ZMYM6: variants seen among roughly 807,000 people sequenced by gnomAD.
The protein encoded by ZMYM6 is zinc finger MYM-type protein 6.
ZMYM6 carries 90 observed loss-of-function variants against 134.0 expected under a neutral mutation model. The ratio of observed to expected loss-of-function variants is 0.67; its 90% CI spans 0.57 to 0.80. The LOEUF is 0.80. ZMYM6 is among the 30% of genes least tolerant of loss of function. The pLI is 0.00. For synonymous variants in ZMYM6, 481 were observed against 524.1 expected, an observed-to-expected ratio of 0.92 and a Z score of 1.12; for missense variants, 1,362 against 1,533.9, an observed-to-expected ratio of 0.89 and a Z score of 1.87.
intron 4 of ZMYM6, chr1:35,018,123 T>C (rs372676184): frequency 1.3e-5 from 2 of 152,202 alleles, no homozygotes; most frequent in East Asian, 1.9e-4. Context: ...GGCAGGCTAA[T>C]TGCTTGAGCC....
chr1:35,025,383 C>A (rs1187986437), intron 2 of ZMYM6, among the ~76,000 whole-genome samples: 9 of 143,496 alleles, frequency 6.3e-5, no homozygotes. Context: ...AGGAGAACTG[C>A]GTGAACCCAG....
chr1:35,006,884 A>G, intron 12 of ZMYM6, 67 bp downstream of exon 12: 1 of 1,321,150 alleles, frequency 7.6e-7, no homozygotes, highest in Non-Finnish European at 9.8e-7. Flanking sequence ...TATATTATTT[A>G]TAACTGTATA....
intron 14 of ZMYM6, among the ~76,000 whole-genome samples, chr1:35,000,246 CT>C (rs36012246): frequency 0.24 from 35,536 of 147,864 alleles, 10,302 homozygotes; most frequent in African/African-American, 0.69. Context: ...TTTTTTTTTT[CT>C]TTTTTTTTGT....
intron 2 of ZMYM6, among the ~76,000 whole-genome samples, chr1:35,021,404 C>T (rs1641307683): frequency 6.6e-6 from 1 of 151,954 alleles, no homozygotes; most frequent in South Asian, 2.1e-4. Flanking sequence ...TTTGGCCTCC[C>T]AAAGTGCTGG....
At chr1:34,997,621 A>G (rs1640806524) in intron 14 of ZMYM6, among the ~76,000 whole-genome samples, 1 of 152,176 alleles carries the variant, frequency 6.6e-6, no homozygotes, top group Non-Finnish European at 1.5e-5. Flanking sequence ...AGCTCTTTAC[A>G]TATTAAAAAA....
chr1:35,028,512 T>G (rs1367062025), intron 2 of ZMYM6, among the ~76,000 whole-genome samples: 3 of 151,878 alleles, frequency 2.0e-5, no homozygotes, highest in Non-Finnish European at 1.5e-5. Context: ...TATTTTATTT[T>G]TTTTTGAGAC....
chr1:35,014,602 A>G, intron 6 of ZMYM6, 95 bp downstream of exon 6: 2 of 1,202,048 alleles, frequency 1.7e-6, no homozygotes, highest in South Asian at 1.5e-5. Flanking sequence ...AGGATGGACT[A>G]ATGGGAGGAG....
intron 12 of ZMYM6, among the ~76,000 whole-genome samples, chr1:35,006,654 T>C (rs1640972064): frequency 6.6e-6 from 1 of 152,198 alleles, no homozygotes; most frequent in Non-Finnish European, 1.5e-5. Flanking sequence ...ATATCCCTAG[T>C]TTAAGTTATT....
chr1:34,995,221 CTA>C (rs1640762791), intron 14 of ZMYM6, among the ~76,000 whole-genome samples: 1 of 147,236 alleles, frequency 6.8e-6, no homozygotes, highest in South Asian at 2.1e-4. Context: ...TGCTCTCTCT[CTA>C]TATATATACA....
chr1:35,028,981 A>AACAT (rs1641467656), intron 2 of ZMYM6, among the ~76,000 whole-genome samples: 1 of 151,780 alleles, frequency 6.6e-6, no homozygotes, highest in Non-Finnish European at 1.5e-5. Flanking sequence ...ACCTGAGGTC[A>AACAT]GGAGTTTGAA....
intron 13 of ZMYM6, 70 bp downstream of exon 13, chr1:35,005,060 AAG>A: frequency 6.4e-7 from 1 of 1,569,066 alleles, no homozygotes; most frequent in Non-Finnish European, 8.7e-7. Context: ...CTGTCTCAAA[AAG>A]AGAGAACTAC....
rs200792300 is a variant in ZMYM6 at position 35,007,592 on chromosome 1, GA to G, written c.1666-495del. 6.6e-3 allele frequency among the ~76,000 whole-genome samples: 899 copies of G among 136,806 alleles called. 6 individuals are homozygous for G. The highest frequency in any genetic ancestry group is 9.2e-3 in the Non-Finnish European group (575 of 62,506). The allele number at this position is 136,806 out of a possible 152,430, so 89.8% of individuals were successfully genotyped here. A position where few individuals can be genotyped will look rare whatever the true frequency, so the allele number is the denominator to read the frequency against. ...GACAGAGTAAGACTCTGTCTCAATA[GA>G]AAAAAAAAAAAATGCTCTTCTGTTT... On this transcript the variant is annotated intron_variant, in intron 11 of 15. Transcript: ENST00000357182.
chr1:35,028,404 GATACA>G (rs1173616743), intron 2 of ZMYM6, among the ~76,000 whole-genome samples: 1 of 152,250 alleles, frequency 6.6e-6, no homozygotes, highest in South Asian at 2.1e-4. Flanking sequence ...TTGCTTTGCT[GATACA>G]ATAAAGTCAA....
At position 35,007,013 on chromosome 1, in the gene ZMYM6, AG is replaced by A; in HGVS notation, c.1750del (p.Leu584TyrfsTer13). On this transcript the variant is annotated frameshift_variant, in exon 12 of 16. Transcript: ENST00000357182. LOFTEE classifies it high-confidence loss of function. Reference protein sequence around the residue: ...WRGNIKHFCNLFCVLEFCHQQ... With the variant: ...WRGNIKHFCNXFCVLEFCHQQ... ...ATGACAAAACTCCAAGACACAAAAT[AG>A]GTTACAGAAATGTTTAATGTTGCCT... The A allele has an allele frequency of 6.2e-7, 1 of 1,613,640 alleles. No individual in the cohort carries two copies. Among genetic ancestry groups the A allele is most frequent in the Non-Finnish European group, 8.5e-7 (1 of 1,179,852 alleles).
chr1:34,989,057 T>G (rs779447813), intron 15 of ZMYM6, 122 bp from the exon 16 acceptor site: 1 of 1,481,040 alleles, frequency 6.8e-7, no homozygotes, highest in Non-Finnish European at 8.9e-7. Flanking sequence ...AAGAATGCAC[T>G]GGTAAAAGTT....
At chr1:35,019,631 G>T (rs1483734660) in intron 3 of ZMYM6, 29 bp from the exon 4 acceptor site, 2 of 1,555,128 alleles carry the variant, frequency 1.3e-6, no homozygotes, top group East Asian at 2.2e-5. Flanking sequence ...AAAAGTTTTA[G>T]TATCAATACT....
chr1:35,001,105 T>C (rs1480726973), intron 14 of ZMYM6, among the ~76,000 whole-genome samples: 1 of 152,206 alleles, frequency 6.6e-6, no homozygotes, highest in South Asian at 2.1e-4. Context: ...ATATTTACTA[T>C]CTAGACTTTT....
intron 13 of ZMYM6, among the ~76,000 whole-genome samples, 173 bp downstream of exon 13, chr1:35,004,959 G>T (rs1348390668): frequency 6.6e-6 from 1 of 152,142 alleles, no homozygotes; most frequent in Admixed American, 6.5e-5. Context: ...TCGGGAGGCT[G>T]AGGCAGGAGA....
In ZMYM6 at chr1:35,011,967, T is replaced by C; in HGVS notation, c.985A>G (p.Ile329Val). The C allele has an allele frequency of 6.2e-7, 1 of 1,609,698 alleles. No homozygotes were observed. Among genetic ancestry groups the C allele is most frequent in the Non-Finnish European group, 8.5e-7 (1 of 1,177,452 alleles). Residue 329 changes from isoleucine (I) to valine (V), a missense_variant, in exon 8 of 16, where the codon ATC becomes GTC. Around this residue, in one of 3 missense-constraint regions of ZMYM6, gnomAD observed 503 missense variants for 520.8 expected, o/e 0.97. Coordinates refer to ENST00000357182, the MANE Select transcript of ZMYM6 (RefSeq NM_007167.4). ...GACATGGCTAGGTGATACTGAGGGA[T>C]TGCTGAGGTTTTACAACTATGACAT... is the stretch of plus-strand genomic sequence containing the variant. ...VSCHSCKTSAIPQYHLAMSNG... is the reference protein window; with the variant it reads ...VSCHSCKTSAVPQYHLAMSNG...
Sources: gnomAD v4.1 joint callset for allele counts (sites outside exome capture counted in the v4.1 genomes callset) on GRCh38, gnomAD v4.1.1 for gene constraint, gnomAD v4.1.1 regional missense constraint, MANE v1.5 for transcripts, NCBI Gene and HGNC (gene_info 2026-07-23, HGNC 2026-07-21) for gene names.